The following SLIT3 variants were observed in gnomAD, a reference collection of about 807,000 sequenced individuals.
SLIT3 encodes the protein slit homolog 3 protein.
A neutral mutation model predicts 184.0 loss-of-function variants in SLIT3; 68 were observed. The ratio of observed to expected loss-of-function variants is 0.37; its 90% CI spans 0.30 to 0.45. The LOEUF is 0.45. SLIT3 is among the 20% of genes least tolerant of loss of function. The pLI, the probability that SLIT3 is intolerant of heterozygous loss-of-function variation, is 1.00. For missense variants in SLIT3, 1,707 were observed against 2,026.0 expected (o/e 0.84, Z 3.02); for synonymous variants, 831 against 828.6 (o/e 1.00, Z -0.05).
Position 168,662,773 on chromosome 5 carries a change from G to A in SLIT3, c.*3681C>T, listed in dbSNP as rs1322400371. On this transcript the variant is annotated 3_prime_UTR_variant, in exon 36 of 36. Transcript: ENST00000519560. ...ATCCTGCTCAGGGGGGACACAGCTT[G>A]AGCGGCCTCTTCTGCCCACGTACAT... is the stretch of plus-strand genomic sequence containing the variant. 3 of 152,198 alleles carry A rather than the reference G, an allele frequency of 2.0e-5. No individual in the cohort carries two copies. Among genetic ancestry groups the A allele is most frequent in the East Asian group, 3.8e-4 (2 of 5,198 alleles). 9.4% of individuals were successfully genotyped at this position (152,198 alleles called of 1,614,324 possible).
At chr5:168,722,400 G>T in intron 22 of SLIT3, 73 bp from the exon 23 acceptor site, 1 of 1,291,588 alleles carries the variant, frequency 7.7e-7, no homozygotes, top group Non-Finnish European at 1.1e-6. Context: ...TGTTCACGTT[G>T]TGAAACAAAG....
At chr5:168,727,915 A>G (rs1403501033) in intron 20 of SLIT3, among the ~76,000 whole-genome samples, 2 of 151,990 alleles carry the variant, frequency 1.3e-5, no homozygotes, top group Non-Finnish European at 2.9e-5. Context: ...GGCTATGGGG[A>G]GCTTGGAGGC....
chr5:169,224,329 A>C (rs1207592550), intron 3 of SLIT3, among the ~76,000 whole-genome samples: 1 of 152,102 alleles, frequency 6.6e-6, no homozygotes, highest in Non-Finnish European at 1.5e-5. Context: ...TATTTATTCC[A>C]CCTGGTTCCA....
At chr5:168,830,171 C>G (rs1037609700) in intron 6 of SLIT3, among the ~76,000 whole-genome samples, 5 of 152,104 alleles carry the variant, frequency 3.3e-5, no homozygotes, top group African/African-American at 1.2e-4. Context: ...GGACTTGGTC[C>G]CAGGAGAGCA....
rs374236636 is a variant in SLIT3, at chr5:169,300,557, G to A, written c.153C>T (p.Gly51=). The part of the protein sequence containing the change: ...SAASVDCHGL[G]LRAVPRGIPR... ...GGATGCCCCGAGGAACCGCGCGGAG[G>A]CCCAGCCCGTGGCAGTCCACGCTGG... Residue 51 remains glycine, a synonymous_variant, in exon 1 of 36, where the codon GGC becomes GGT. Transcript: ENST00000519560. The surrounding 1 kb of genome is among the most constrained non-coding windows in gnomAD (Gnocchi z 4.1). 25 of 1,510,250 alleles carry A rather than the reference G, an allele frequency of 1.7e-5. No individual in the cohort carries two copies. The African/African-American group carries it at 3.2e-4, about 19-fold the overall frequency. The allele number at this position is 1,510,250 out of a possible 1,614,324, so 93.6% of individuals were successfully genotyped here.
chr5:168,775,765 C>T (rs1354520180), intron 12 of SLIT3, among the ~76,000 whole-genome samples: 2 of 152,132 alleles, frequency 1.3e-5, no homozygotes, highest in Non-Finnish European at 2.9e-5. Flanking sequence ...GTCAGCCTTC[C>T]TATCCATGAG....
intron 4 of SLIT3, among the ~76,000 whole-genome samples, chr5:168,972,063 G>A (rs1288923998): frequency 6.6e-6 from 1 of 152,224 alleles, no homozygotes; most frequent in Non-Finnish European, 1.5e-5. Context: ...ACAGGGCTGC[G>A]AGGAAGGTCC....
At chr5:168,882,277 C>T (rs1187906293) in intron 5 of SLIT3, among the ~76,000 whole-genome samples, 1 of 152,158 alleles carries the variant, frequency 6.6e-6, no homozygotes, top group African/African-American at 2.4e-5. Flanking sequence ...CTTCCCTACC[C>T]CTCTCCAAAA....
intron 3 of SLIT3, among the ~76,000 whole-genome samples, chr5:169,231,106 G>C (rs981938060): frequency 6.6e-6 from 1 of 152,084 alleles, no homozygotes; most frequent in Admixed American, 6.5e-5. Context: ...TGTCTCTGTG[G>C]AGTTTGCAAT....
chr5:169,251,185 G>A (rs974581731), intron 2 of SLIT3, among the ~76,000 whole-genome samples: 1 of 152,114 alleles, frequency 6.6e-6, no homozygotes, highest in Non-Finnish European at 1.5e-5. Flanking sequence ...TTCTTCCATC[G>A]ATCTAGCTCA....
intron 4 of SLIT3, among the ~76,000 whole-genome samples, chr5:168,927,027 A>G (rs1037199807): frequency 3.9e-5 from 6 of 152,196 alleles, no homozygotes; most frequent in Non-Finnish European, 8.8e-5. Context: ...CTTTATGTAT[A>G]TACCCCCCTA....
chr5:169,002,743 T>C (rs1755763933), intron 4 of SLIT3, among the ~76,000 whole-genome samples: 1 of 152,238 alleles, frequency 6.6e-6, no homozygotes, highest in African/African-American at 2.4e-5. Context: ...TTTCCCTAAC[T>C]TTAGCAGTCT....
At chr5:168,832,629 C>T (rs1044664799) in intron 6 of SLIT3, among the ~76,000 whole-genome samples, 6 of 152,170 alleles carry the variant, frequency 3.9e-5, no homozygotes, top group Non-Finnish European at 8.8e-5. Context: ...GAGTGAGCTG[C>T]GTGGGGACTG....
rs527969705 is a variant in SLIT3 at position 168,789,146 on chromosome 5, A to G, written c.1079+414T>C. On this transcript the variant is annotated intron_variant, in intron 11 of 35. Coordinates refer to ENST00000519560, the MANE Select transcript of SLIT3 (RefSeq NM_003062.4). The stretch of plus-strand genomic sequence containing the variant: ...AGGGTGGTCTGGAGAGAAAGCCTGA[A>G]AATCAGCAGAAGAAAACGAGCTCTT... Among the ~76,000 whole-genome samples the G allele has an allele frequency of 3.3e-5, 5 of 152,110 alleles. 1 individual carries two copies. The highest frequency in any genetic ancestry group is 9.6e-5 in the African/African-American group (4 of 41,500).
At chr5:169,092,304 C>T (rs1160991312) in intron 4 of SLIT3, among the ~76,000 whole-genome samples, 1 of 152,158 alleles carries the variant, frequency 6.6e-6, no homozygotes, top group Non-Finnish European at 1.5e-5. Context: ...GAGCTGTGGC[C>T]ATTGCTAGGG....
chr5:169,084,874 T>C (rs191465943), intron 4 of SLIT3, among the ~76,000 whole-genome samples: 201 of 152,096 alleles, frequency 1.3e-3, no homozygotes, highest in African/African-American at 4.7e-3. Context: ...CTTTTCCTAA[T>C]CCACACAAAG....
Position 168,912,769 on chromosome 5 carries a change from G to T in SLIT3, c.414-29433C>A, listed in dbSNP as rs1761293601. Among the ~76,000 whole-genome samples, 12 of 152,208 alleles carry T rather than the reference G, an allele frequency of 7.9e-5. No homozygotes were observed. In the South Asian group the frequency reaches 2.5e-3, roughly 32 times the overall value. ...TGGTCCCTCCACAAGTGGCCAGGCTGGGCTATAAACCCATCTCCTCCCCAC... is the reference window on the plus strand; with the variant it reads ...TGGTCCCTCCACAAGTGGCCAGGCTTGGCTATAAACCCATCTCCTCCCCAC... On this transcript the variant is annotated intron_variant, in intron 4 of 35. Coordinates refer to ENST00000519560, the MANE Select transcript of SLIT3 (RefSeq NM_003062.4).
intron 35 of SLIT3, among the ~76,000 whole-genome samples, chr5:168,667,040 A>G (rs1289616214): frequency 6.6e-6 from 1 of 152,192 alleles, no homozygotes; most frequent in Non-Finnish European, 1.5e-5. Flanking sequence ...ATCACCCTAC[A>G]TGTGCCTAAA....
chr5:169,297,496 C>A (rs1280178278), intron 1 of SLIT3, among the ~76,000 whole-genome samples: 1 of 152,136 alleles, frequency 6.6e-6, no homozygotes, highest in Non-Finnish European at 1.5e-5. Context: ...ACACACAAAT[C>A]CCTTCATCAA....
Sources: allele counts gnomAD v4.1 joint callset (sites outside exome capture counted in the v4.1 genomes callset), GRCh38; gene constraint gnomAD v4.1.1; non-coding constraint Gnocchi (gnomAD v3.1); transcripts MANE v1.5; gene names NCBI Gene and HGNC (gene_info 2026-07-23, HGNC 2026-07-21).